The following OLA1 variants were observed in gnomAD, a reference collection of about 807,000 sequenced individuals.
OLA1 encodes obg-like ATPase 1.
In OLA1, 14 loss-of-function variants were observed where a neutral mutation model predicts 48.4. That is an observed-to-expected ratio of 0.29 (90% CI 0.19 to 0.45). OLA1 has a LOEUF of 0.45. Among genes scored for constraint, OLA1 ranks in the 20% least tolerant of loss-of-function variants. The pLI, the probability that OLA1 is intolerant of heterozygous loss-of-function variation, is 1.00. For synonymous variants in OLA1, 127 were observed against 150.4 expected (o/e 0.84, Z 1.14); for missense variants, 325 against 467.1 (o/e 0.70, Z 2.80).
intron 3 of OLA1, among the ~76,000 whole-genome samples, chr2:174,227,429 T>C (rs1688640281): frequency 6.6e-6 from 1 of 152,188 alleles, no homozygotes; most frequent in Non-Finnish European, 1.5e-5. Context: ...TGTTTTACTA[T>C]GGTTGTGTGG....
chr2:174,224,964 C>T (rs190854373), intron 3 of OLA1, among the ~76,000 whole-genome samples: 2 of 152,298 alleles, frequency 1.3e-5, no homozygotes, highest in African/African-American at 2.4e-5. Context: ...TAAAACCACT[C>T]ATATGATAAA....
At chr2:174,084,687 C>T (rs1281322032) in intron 7 of OLA1, among the ~76,000 whole-genome samples, 5 of 152,142 alleles carry the variant, frequency 3.3e-5, no homozygotes, top group Non-Finnish European at 5.9e-5. Context: ...TCTCTTTCTA[C>T]AAACCATACC....
At chr2:174,198,088 C>T (rs1413748823) in intron 4 of OLA1, among the ~76,000 whole-genome samples, 1 of 152,170 alleles carries the variant, frequency 6.6e-6, no homozygotes, top group Admixed American at 6.5e-5. Flanking sequence ...CTCAGCACCC[C>T]CTAGTAGCTG....
rs1687082233 is a variant in OLA1, at chr2:174,163,749, TATATATATATATATATATATA to T, written c.374-21770_374-21750del. Among the ~76,000 whole-genome samples the T allele has an allele frequency of 8.0e-4, 34 of 42,306 alleles. 5 individuals carry two copies. Among genetic ancestry groups the T allele is most frequent in the Admixed American group, 3.4e-3 (15 of 4,354 alleles). 27.8% of individuals were successfully genotyped at this position (42,306 alleles called of 152,430 possible). On this transcript the variant is annotated intron_variant, in intron 4 of 10. Transcript: ENST00000284719. ...ATATATATATATATATATATATATA[TATATATATATATATATATATA>T]TATATAAATAAATGTTTGGGTGCCT...
At chr2:174,244,759 G>A (rs571494975) in intron 2 of OLA1, among the ~76,000 whole-genome samples, 1 of 152,006 alleles carries the variant, frequency 6.6e-6, no homozygotes, top group Non-Finnish European at 1.5e-5. Context: ...CGAGTATCTG[G>A]AATTACAGGC....
intron 4 of OLA1, among the ~76,000 whole-genome samples, chr2:174,152,345 G>A (rs939203005): frequency 1.3e-5 from 2 of 152,146 alleles, no homozygotes; most frequent in Non-Finnish European, 2.9e-5. Flanking sequence ...GGAGGTTGTA[G>A]TGGGTGGAGA....
At chr2:174,086,031 G>A (rs1435571940) in intron 7 of OLA1, among the ~76,000 whole-genome samples, 1 of 151,606 alleles carries the variant, frequency 6.6e-6, no homozygotes, top group African/African-American at 2.4e-5. Context: ...TTCTAAGGGA[G>A]TCTGGTGGTC....
rs1185285288 is a variant in OLA1 at position 174,223,011 on chromosome 2, T to C, written c.373+22A>G. Reference sequence around the variant, plus strand: ...ACACTGATCTGAATGAAATCAATGATTAAATAAACAACTGTACTTACGTGT... The same window carrying C: ...ACACTGATCTGAATGAAATCAATGACTAAATAAACAACTGTACTTACGTGT... On this transcript the variant is annotated intron_variant, in intron 4 of 10. Transcript: ENST00000284719. 1.9e-6 allele frequency: 3 copies of C among 1,586,634 alleles called. No individual in the cohort carries two copies. The African/African-American group carries it at 4.1e-5, about 22-fold the overall frequency.
intron 7 of OLA1, among the ~76,000 whole-genome samples, chr2:174,118,909 G>A (rs1685845644): frequency 6.6e-6 from 1 of 152,018 alleles, no homozygotes; most frequent in Admixed American, 6.6e-5. Context: ...TAAAAAAAGT[G>A]CTTTCGTATA....
chr2:174,213,754 G>T (rs1264781439), intron 4 of OLA1, among the ~76,000 whole-genome samples: 1 of 152,040 alleles, frequency 6.6e-6, no homozygotes, highest in Non-Finnish European at 1.5e-5. Context: ...TCTTTGGCAG[G>T]CCGTTTTATC....
intron 4 of OLA1, among the ~76,000 whole-genome samples, chr2:174,170,060 C>T (rs923317553): frequency 2.1e-4 from 32 of 152,038 alleles, no homozygotes; most frequent in African/African-American, 7.0e-4. Flanking sequence ...GGTGAAACCC[C>T]GTCACTACTA....
intron 4 of OLA1, among the ~76,000 whole-genome samples, chr2:174,170,473 A>G (rs565475109): frequency 6.6e-6 from 1 of 152,226 alleles, no homozygotes; most frequent in Non-Finnish European, 1.5e-5. Context: ...ATAAAACACA[A>G]ATAAAAAGAT....
At chr2:174,131,759 C>T (rs1055426681) in intron 5 of OLA1, among the ~76,000 whole-genome samples, 6 of 151,996 alleles carry the variant, frequency 3.9e-5, no homozygotes, top group African/African-American at 1.2e-4. Context: ...TTCTATCAGG[C>T]TGTCTTTTTC....
chr2:174,209,797 A>G (rs1688202921), intron 4 of OLA1, among the ~76,000 whole-genome samples: 1 of 152,234 alleles, frequency 6.6e-6, no homozygotes, highest in African/African-American at 2.4e-5. Context: ...TTATAAAATG[A>G]TATATTTTTA....
At position 174,074,397 on chromosome 2, in the gene OLA1, CTT is replaced by C. The variant is rs1404684164; in HGVS notation, c.*1027_*1028del. The C allele has an allele frequency of 6.6e-6, 1 of 152,186 alleles. No individual in the cohort carries two copies. Among genetic ancestry groups the C allele is most frequent in the Admixed American group, 6.5e-5 (1 of 15,276 alleles). 9.4% of individuals were successfully genotyped at this position (152,186 alleles called of 1,614,324 possible). ...CTCCAAATTACCAATTTGTTCTAGTCTTTCTTTTGGAATTTTCTGCTACAATG... is the reference window on the plus strand; with the variant it reads ...CTCCAAATTACCAATTTGTTCTAGTCTCTTTTGGAATTTTCTGCTACAATG... On this transcript the variant is annotated 3_prime_UTR_variant, in exon 11 of 11. Transcript: ENST00000284719.
intron 5 of OLA1, among the ~76,000 whole-genome samples, chr2:174,138,184 T>C (rs1686356198): frequency 6.6e-6 from 1 of 152,236 alleles, no homozygotes; most frequent in Admixed American, 6.5e-5. Context: ...CAACATGCCT[T>C]CCTCACTAAG....
chr2:174,145,463 A>G (rs1188540444), intron 4 of OLA1, among the ~76,000 whole-genome samples: 1 of 152,122 alleles, frequency 6.6e-6, no homozygotes, highest in Non-Finnish European at 1.5e-5. Flanking sequence ...TTCAGAGGAC[A>G]GACTACACTA....
intron 7 of OLA1, among the ~76,000 whole-genome samples, chr2:174,106,933 G>A (rs1685525788): frequency 1.3e-5 from 2 of 152,092 alleles, no homozygotes; most frequent in Admixed American, 1.3e-4. Flanking sequence ...CTCTGTGGGA[G>A]GCTCTTTATC....
intron 4 of OLA1, among the ~76,000 whole-genome samples, chr2:174,143,985 T>A (rs1489624813): frequency 6.7e-6 from 1 of 148,590 alleles, no homozygotes; most frequent in Non-Finnish European, 1.5e-5. Flanking sequence ...GCGCTTATAC[T>A]CTTGGCTACT....
Sources: allele counts gnomAD v4.1 joint callset (sites outside exome capture counted in the v4.1 genomes callset), GRCh38; gene constraint gnomAD v4.1.1; transcripts MANE v1.5; gene names NCBI Gene and HGNC (gene_info 2026-07-23, HGNC 2026-07-21).